SLC25A18: variants seen among roughly 807,000 people sequenced by gnomAD.
The protein encoded by SLC25A18 is mitochondrial glutamate carrier 2.
In SLC25A18, 24 loss-of-function variants were observed where a neutral mutation model predicts 31.1. The ratio of observed to expected loss-of-function variants is 0.77; its 90% CI spans 0.56 to 1.08. The LOEUF (loss-of-function observed/expected upper bound fraction) is 1.08, where lower values mean the gene tolerates loss of function less well. Ranked by LOEUF, SLC25A18 falls within the 50% of genes least tolerant of loss-of-function variation. SLC25A18 has a pLI of 0.00. For synonymous variants in SLC25A18, 173 were observed against 161.9 expected (o/e 1.07, Z -0.52); for missense variants, 371 against 418.5 (o/e 0.89, Z 0.99).
intron 2 of SLC25A18, among the ~76,000 whole-genome samples, chr22:17,572,130 C>G (rs1006891855): frequency 2.7e-5 from 4 of 149,462 alleles, no homozygotes; most frequent in Non-Finnish European, 6.0e-5. Flanking sequence ...GGGGTTGCAG[C>G]GAGCCGAGAT....
chr22:17,585,650 A>ATTATTATTTTTTT (rs1555951983), intron 7 of SLC25A18, among the ~76,000 whole-genome samples: 1 of 137,224 alleles, frequency 7.3e-6, no homozygotes, highest in African/African-American at 2.8e-5. Flanking sequence ...TATTATTATT[A>ATTATTATTTTTTT]TTTTTTTTTT....
At chr22:17,573,807 C>A (rs1249549755) in intron 2 of SLC25A18, among the ~76,000 whole-genome samples, 2 of 152,174 alleles carry the variant, frequency 1.3e-5, no homozygotes, top group African/African-American at 4.8e-5. Flanking sequence ...GTTCTCTACC[C>A]CTTCTCCCTA....
At chr22:17,573,210 C>T (rs921323033) in intron 2 of SLC25A18, among the ~76,000 whole-genome samples, 2 of 152,174 alleles carry the variant, frequency 1.3e-5, no homozygotes, top group African/African-American at 4.8e-5. Flanking sequence ...AGTCATGGAT[C>T]ATTCCTGTTA....
chr22:17,580,018 C>T (rs1053801178), intron 3 of SLC25A18, 54 bp downstream of exon 3: 7 of 1,557,028 alleles, frequency 4.5e-6, no homozygotes, highest in Non-Finnish European at 5.3e-6. Flanking sequence ...GGCGGAGAGT[C>T]GCTGTGGTGA....
rs148151405 is a variant in SLC25A18, at chr22:17,573,024, G to C, written c.-201+3038G>C. ...ACAACCCAGGAGGCTGAGGCGGGAG[G>C]ATCCCTTGAGTCAAGGAAGTTGAGG... On this transcript the variant is annotated intron_variant, in intron 2 of 10. Coordinates refer to ENST00000327451, the MANE Select transcript of SLC25A18 (RefSeq NM_031481.3). Among the ~76,000 whole-genome samples, 709 of 152,184 alleles carry C rather than the reference G, an allele frequency of 4.7e-3. 7 individuals carry two copies. Among genetic ancestry groups the C allele is most frequent in the African/African-American group, 0.015 (642 of 41,534 alleles).
At chr22:17,566,495 C>T (rs1002671170) in intron 1 of SLC25A18, among the ~76,000 whole-genome samples, 1 of 152,156 alleles carries the variant, frequency 6.6e-6, no homozygotes, top group Non-Finnish European at 1.5e-5. Flanking sequence ...TCACTACAAC[C>T]TCCGCCTCAC....
At chr22:17,573,187 A>G (rs73876469) in intron 2 of SLC25A18, among the ~76,000 whole-genome samples, 9,331 of 152,256 alleles carry the variant, frequency 0.061, 799 homozygotes, top group African/African-American at 0.2. Context: ...GCAGATGTTC[A>G]TTAGTAACAA....
chr22:17,587,809 T>A, intron 8 of SLC25A18, 116 bp from the exon 9 acceptor site: 1 of 1,270,982 alleles, frequency 7.9e-7, no homozygotes, highest in Non-Finnish European at 1.1e-6. Flanking sequence ...AAGGGATGAG[T>A]CCCCGTGGCT....
intron 2 of SLC25A18, among the ~76,000 whole-genome samples, chr22:17,571,400 C>T (rs2057083513): frequency 6.6e-6 from 1 of 152,192 alleles, no homozygotes; most frequent in Admixed American, 6.5e-5. Context: ...ACGCTCCTCC[C>T]TGCAGCTCAG....
intron 3 of SLC25A18, 143 bp downstream of exon 3, chr22:17,580,107 T>G: frequency 1.5e-6 from 1 of 673,746 alleles, no homozygotes; most frequent in Non-Finnish European, 2.5e-6. Context: ...ACATATACAC[T>G]ACATCTACTG....
At chr22:17,572,900 C>T (rs146869430) in intron 2 of SLC25A18, among the ~76,000 whole-genome samples, 9,229 of 152,036 alleles carry the variant, frequency 0.061, 739 homozygotes, top group African/African-American at 0.19. Context: ...CTCGGCCTCC[C>T]GAAGTGCTGG....
chr22:17,584,473 A>AGAGAGAGAGAG (rs1569190772), intron 7 of SLC25A18, among the ~76,000 whole-genome samples: 4 of 115,090 alleles, frequency 3.5e-5, no homozygotes, highest in African/African-American at 1.6e-4. Context: ...GAGAGAGAGA[A>AGAGAGAGAGAG]AGAAAGAAAG....
In SLC25A18 at chr22:17,579,196, C is replaced by G. The variant is rs140397126; in HGVS notation, c.-200-549C>G. ...CCTCTGTCTCCTGGATTCAAGCAAT[C>G]TCCTACCTCAGCCCCCCAGGTAGCT... On this transcript the variant is annotated intron_variant, in intron 2 of 10. Transcript: ENST00000327451. Among the ~76,000 whole-genome samples, 644 of 152,114 alleles carry G rather than the reference C, an allele frequency of 4.2e-3. 7 individuals carry two copies. The highest frequency in any genetic ancestry group is 0.015 in the African/African-American group (604 of 41,498).
intron 2 of SLC25A18, among the ~76,000 whole-genome samples, chr22:17,577,924 T>A (rs2057275173): frequency 6.6e-6 from 1 of 150,668 alleles, no homozygotes; most frequent in Admixed American, 6.7e-5. Flanking sequence ...TGATCTGCCG[T>A]CCTCAGCCTT....
chr22:17,582,374 T>TAA, intron 5 of SLC25A18, 189 bp from the exon 6 acceptor site: 2 of 462,226 alleles, frequency 4.3e-6, no homozygotes, highest in Admixed American at 3.8e-5. Flanking sequence ...AGACTCCATC[T>TAA]AAAAAAAAAG....
chr22:17,568,796 T>C (rs1327471558), intron 1 of SLC25A18, among the ~76,000 whole-genome samples: 3 of 150,720 alleles, frequency 2.0e-5, no homozygotes, highest in African/African-American at 7.3e-5. Context: ...CTCCTGACCT[T>C]GTGATCCACC....
intron 2 of SLC25A18, among the ~76,000 whole-genome samples, chr22:17,577,977 T>A (rs1033202931): frequency 3.9e-5 from 5 of 127,288 alleles, no homozygotes; most frequent in Non-Finnish European, 6.2e-5. Context: ...GCGCCCTGCT[T>A]CTTTTTTTTT....
In SLC25A18 at chr22:17,587,086, C is replaced by T. The variant is rs375595104; in HGVS notation, c.410-50C>T. Reference sequence around the variant, plus strand: ...TTGAGAGCCACACTCAGGAGTGTTTCGTAGCATCTGTTGGGGACCAGGTAC... The same window carrying T: ...TTGAGAGCCACACTCAGGAGTGTTTTGTAGCATCTGTTGGGGACCAGGTAC... On this transcript the variant is annotated intron_variant, in intron 7 of 10. Coordinates refer to ENST00000327451, the MANE Select transcript of SLC25A18 (RefSeq NM_031481.3). The T allele has an allele frequency of 7.2e-5, 114 of 1,590,618 alleles. No homozygotes were observed. The Middle Eastern group carries it at 1.0e-3, about 14-fold the overall frequency.
chr22:17,568,812 C>T (rs2057011293), intron 1 of SLC25A18, among the ~76,000 whole-genome samples: 1 of 151,684 alleles, frequency 6.6e-6, no homozygotes, highest in East Asian at 2.0e-4. Context: ...CCACCTGCTT[C>T]GGCCTCCCAA....
Sources: gnomAD v4.1 joint callset for allele counts (sites outside exome capture counted in the v4.1 genomes callset) on GRCh38, gnomAD v4.1.1 for gene constraint, MANE v1.5 for transcripts, NCBI Gene and HGNC (gene_info 2026-07-23, HGNC 2026-07-21) for gene names.